The following GALNT2 variants were observed in gnomAD, a reference collection of about 807,000 sequenced individuals.
GALNT2 encodes UDP-GalNAc:polypeptide N-acetylgalactosaminyltransferase 2.
Under a neutral mutation model 81.4 loss-of-function variants are expected in GALNT2, and 31 were observed. The ratio of observed to expected loss-of-function variants is 0.38; its 90% CI spans 0.29 to 0.51. The LOEUF is 0.51. Among genes scored for constraint, GALNT2 ranks in the 20% least tolerant of loss-of-function variants. The pLI is 0.87. For missense variants in GALNT2, 629 were observed against 765.7 expected (o/e 0.82, Z 2.11); for synonymous variants, 303 against 287.4 (o/e 1.05, Z -0.55).
chr1:230,139,165 T>C (rs1366409186), intron 1 of GALNT2, among the ~76,000 whole-genome samples: 1 of 152,250 alleles, frequency 6.6e-6, no homozygotes, highest in African/African-American at 2.4e-5. Context: ...ACAGCCACTT[T>C]ACCCGGCTTT....
intron 1 of GALNT2, among the ~76,000 whole-genome samples, chr1:230,093,287 A>C (rs1479840603): frequency 6.6e-6 from 1 of 151,996 alleles, no homozygotes; most frequent in African/African-American, 2.4e-5. Flanking sequence ...ATTAACTTAA[A>C]GGGCACTGAA....
intron 2 of GALNT2, among the ~76,000 whole-genome samples, chr1:230,194,288 G>A (rs1663619134): frequency 6.6e-6 from 1 of 152,236 alleles, no homozygotes; most frequent in Non-Finnish European, 1.5e-5. Context: ...TGGCCGGGTA[G>A]TGGCTAGTCA....
chr1:230,063,817 AC>A (rs1353970719), upstream of GALNT2, among the ~76,000 whole-genome samples: 1 of 152,198 alleles, frequency 6.6e-6, no homozygotes, highest in African/African-American at 2.4e-5. Context: ...GAATCACAGC[AC>A]CTGCTTTTTC....
intron 1 of GALNT2, among the ~76,000 whole-genome samples, chr1:230,094,597 C>G (rs565748457): frequency 1.8e-4 from 28 of 152,310 alleles, no homozygotes; most frequent in Non-Finnish European, 3.7e-4. Flanking sequence ...GAGACTGCAT[C>G]ACTGCACTCC....
intron 1 of GALNT2, among the ~76,000 whole-genome samples, chr1:230,079,349 A>G (rs1280519792): frequency 6.6e-6 from 1 of 152,256 alleles, no homozygotes; most frequent in Non-Finnish European, 1.5e-5. Flanking sequence ...GCTTTTCAGC[A>G]TGCCTGGGAG....
chr1:230,120,838 G>C (rs1457944883), intron 1 of GALNT2, among the ~76,000 whole-genome samples: 1 of 152,180 alleles, frequency 6.6e-6, no homozygotes, highest in African/African-American at 2.4e-5. Flanking sequence ...TCTCAGGCTA[G>C]ATCATGTTGG....
intron 12 of GALNT2, 90 bp from the exon 13 acceptor site, chr1:230,262,832 C>G: frequency 4.3e-6 from 6 of 1,403,660 alleles, no homozygotes; most frequent in Non-Finnish European, 6.0e-6. Flanking sequence ...CTGCCCCAAC[C>G]CTGTTCTCCT....
rs569751392 is a variant in GALNT2, at chr1:230,261,275, C to A, written c.1137-1298C>A. Among the ~76,000 whole-genome samples the A allele has an allele frequency of 2.6e-5, 4 of 152,194 alleles. No individual in the cohort carries two copies. In the South Asian group the frequency reaches 8.3e-4, roughly 32 times the overall value. ...TGGATAATAGTCCATATTCTACTTA[C>A]TAAAATGAAAAAGTATATATATCAC... On this transcript the variant is annotated intron_variant, in intron 11 of 15. Coordinates refer to ENST00000366672, the MANE Select transcript of GALNT2 (RefSeq NM_004481.5).
chr1:230,257,555 AT>A lies in GALNT2; in HGVS notation c.1136+2212del, dbSNP rs1245570997. Among the ~76,000 whole-genome samples the A allele has an allele frequency of 5.3e-5, 8 of 152,250 alleles. No homozygotes were observed. Among genetic ancestry groups the A allele is most frequent in the African/African-American group, 1.9e-4 (8 of 41,462 alleles). On this transcript the variant is annotated intron_variant, in intron 11 of 15. Transcript: ENST00000366672. The surrounding 1 kb of genome is among the most constrained non-coding windows in gnomAD (Gnocchi z 4.6). ...TAGCCTAGAAGCAATAGGCTGTACC[AT>A]GTAGCCTAGGTGTATATTAAGGATA...
At chr1:230,113,928 C>T (rs936495738) in intron 1 of GALNT2, among the ~76,000 whole-genome samples, 13 of 151,402 alleles carry the variant, frequency 8.6e-5, no homozygotes, top group Admixed American at 3.9e-4. Flanking sequence ...TTCAGAATAA[C>T]GTCAGCATGT....
chr1:230,158,776 G>A (rs965364007), intron 1 of GALNT2, among the ~76,000 whole-genome samples: 5 of 151,572 alleles, frequency 3.3e-5, no homozygotes, highest in Admixed American at 2.0e-4. Context: ...TACCCACCCC[G>A]CCACCTCCCA....
intron 1 of GALNT2, among the ~76,000 whole-genome samples, chr1:230,077,363 A>G (rs911326976): frequency 1.3e-5 from 2 of 152,122 alleles, no homozygotes; most frequent in Non-Finnish European, 2.9e-5. Context: ...GATCATCACT[A>G]ATTTCCCCTG....
intron 3 of GALNT2, among the ~76,000 whole-genome samples, chr1:230,216,565 AC>A (rs1188841956): frequency 6.6e-6 from 1 of 152,182 alleles, no homozygotes; most frequent in Non-Finnish European, 1.5e-5. Flanking sequence ...AGCTAAGACT[AC>A]AGGTGTGCGC....
intron 14 of GALNT2, among the ~76,000 whole-genome samples, chr1:230,270,104 G>A (rs1416982184): frequency 6.6e-6 from 1 of 152,196 alleles, no homozygotes; most frequent in African/African-American, 2.4e-5. Flanking sequence ...GGGGAGCTGA[G>A]GCAGAAGAAT....
intron 1 of GALNT2, among the ~76,000 whole-genome samples, chr1:230,079,878 C>T (rs570720537): frequency 6.6e-6 from 1 of 152,178 alleles, no homozygotes; most frequent in Non-Finnish European, 1.5e-5. Context: ...TGAGGCTCAG[C>T]CTCCATCTGC....
intron 1 of GALNT2, among the ~76,000 whole-genome samples, chr1:230,177,644 G>A (rs1663023949): frequency 6.6e-6 from 1 of 152,160 alleles, no homozygotes; most frequent in African/African-American, 2.4e-5. Flanking sequence ...TCCTTAATAT[G>A]TATCTCTGTT....
chr1:230,067,226 G>C (rs1354732354), upstream of GALNT2: 69 of 1,149,592 alleles, frequency 6.0e-5, no homozygotes, highest in Non-Finnish European at 7.5e-5. Context: ...GCCCGCGGCC[G>C]GCCCAGGCAG....
Position 230,168,487 on chromosome 1 carries a change from T to C in GALNT2, c.127-9731T>C, listed in dbSNP as rs74825230. Among the ~76,000 whole-genome samples the C allele has an allele frequency of 8.3e-3, 1,271 of 152,334 alleles. 20 individuals carry two copies. The highest frequency in any genetic ancestry group is 0.029 in the African/African-American group (1,197 of 41,574). On this transcript the variant is annotated intron_variant, in intron 1 of 15. Coordinates refer to ENST00000366672, the MANE Select transcript of GALNT2 (RefSeq NM_004481.5). ...TGAGCTGATTATTCTCATTGGAAGA[T>C]TGGCTTTCGAGCATTTATCAAGAGA...
chr1:230,231,040 C>T (rs1441415043), intron 3 of GALNT2, among the ~76,000 whole-genome samples: 1 of 152,188 alleles, frequency 6.6e-6, no homozygotes, highest in East Asian at 1.9e-4. Flanking sequence ...GGCCTGGGAA[C>T]CCTTGTCCCT....
Sources: allele counts gnomAD v4.1 joint callset (sites outside exome capture counted in the v4.1 genomes callset), GRCh38; gene constraint gnomAD v4.1.1; non-coding constraint Gnocchi (gnomAD v3.1); transcripts MANE v1.5; gene names NCBI Gene and HGNC (gene_info 2026-07-23, HGNC 2026-07-21).